DDOST: variants seen among roughly 807,000 people sequenced by gnomAD.
DDOST encodes the protein dolichyl-diphosphooligosaccharide--protein glycosyltransferase 48 kDa subunit.
A neutral mutation model predicts 47.6 loss-of-function variants in DDOST; 25 were observed. The observed-to-expected ratio is 0.53, with a 90% CI of 0.38 to 0.73. The LOEUF is 0.73. Ranked by LOEUF, DDOST falls within the 30% of genes least tolerant of loss-of-function variation. The probability of loss-of-function intolerance (pLI) is 0.00; values close to 1 mark genes in which losing one functional copy is unlikely to be tolerated. For synonymous variants in DDOST, 275 were observed against 236.0 expected (o/e 1.17, Z -1.51); for missense variants, 526 against 573.9 (o/e 0.92, Z 0.85).
intron 8 of DDOST, 125 bp downstream of exon 8, chr1:20,653,502 G>T: frequency 1.0e-6 from 1 of 1,000,424 alleles, no homozygotes. Context: ...TAGGTGTAGG[G>T]ATTAACTTAT....
At chr1:20,654,547 C>G (rs1012480015) in intron 6 of DDOST, 67 bp downstream of exon 6, 1 of 1,449,378 alleles carries the variant, frequency 6.9e-7, no homozygotes, top group East Asian at 2.5e-5. Context: ...TCATTTCCTT[C>G]GCCTCAGCCA....
chr1:20,653,996 G>T (rs940268265), intron 7 of DDOST, among the ~76,000 whole-genome samples: 1 of 152,322 alleles, frequency 6.6e-6, no homozygotes, highest in Admixed American at 6.5e-5. Context: ...TTTCTAAAAG[G>T]AACGGTGGAG....
At position 20,652,927 on chromosome 1, in the gene DDOST, G is replaced by T. The variant is rs752142561; in HGVS notation, c.987C>A (p.Val329=). 1 of 1,614,132 alleles carries T rather than the reference G, an allele frequency of 6.2e-7. No homozygotes were observed. Among genetic ancestry groups the T allele is most frequent in the Non-Finnish European group, 8.5e-7 (1 of 1,179,996 alleles). Reference sequence around the variant, plus strand: ...GCTGAATGTCATCGCCATCAAAGGGGACCCATTTGCCATTTGAGAGCTGCT... The same window carrying T: ...GCTGAATGTCATCGCCATCAAAGGGTACCCATTTGCCATTTGAGAGCTGCT... ...VIQQLSNGKW[V]PFDGDDIQLE... is the part of the protein sequence containing the mutation. Residue 329 remains valine (V), a synonymous_variant, in exon 9 of 11, where the codon GTC becomes GTA. Transcript: ENST00000602624.
At chr1:20,661,111 G>C in intron 1 of DDOST, 86 bp downstream of exon 1, 1 of 1,521,104 alleles carries the variant, frequency 6.6e-7, no homozygotes, top group South Asian at 1.2e-5. Context: ...CTCCAGGAAA[G>C]GGAGAGGGAA....
rs150551993 is a variant in DDOST, at chr1:20,654,305, C to T, written c.712G>A (p.Val238Ile). Residue 238 changes from valine (V) to isoleucine (I), a missense_variant, in exon 7 of 11, where the codon GTC becomes ATC. Transcript: ENST00000602624. ...AGLQARNNAR[V>I]IFSGSLDFFS... ...AAGTCGAGGGAGCCGCTGAAGATGA[C>T]GCGGGCATTGTTCCTGGCCTGGAGC... 118 of 1,554,328 alleles carry T rather than the reference C, an allele frequency of 7.6e-5. No homozygotes were observed. In the African/African-American group the frequency reaches 1.3e-3, roughly 18 times the overall value.
In DDOST at chr1:20,652,230, C is replaced by T. The variant is rs892861868; in HGVS notation, c.*149G>A. ...TTTTATATAAAAATTATCCCAACTC[C>T]CACCCCTTGGCTCTCAGTGTTGCAT... On this transcript the variant is annotated 3_prime_UTR_variant, in exon 11 of 11. Coordinates refer to ENST00000602624, the MANE Select transcript of DDOST (RefSeq NM_005216.5). 9.7e-6 allele frequency: 7 copies of T among 724,108 alleles called. No homozygotes were observed. The Admixed American group carries it at 1.4e-4, about 15-fold the overall frequency. 44.9% of individuals were successfully genotyped at this position (724,108 alleles called of 1,614,324 possible). A position where few individuals can be genotyped will look rare whatever the true frequency, so the allele number is the denominator to read the frequency against.
chr1:20,654,366 T>A lies in DDOST; in HGVS notation c.651A>T (p.Pro217=). The A allele has an allele frequency of 6.4e-7, 1 of 1,559,422 alleles. No individual in the cohort carries two copies. Among genetic ancestry groups the A allele is most frequent in the East Asian group, 2.4e-5 (1 of 41,774 alleles). The part of the protein sequence containing the change: ...FFPDKPITQY[P]HAVGKNTLLI... ...GGAGGGTGTTCTTCCCCACCGCATG[T>A]GGATACTGGGAACAAAACGAGGCTG... The change falls in exon 7 of 11, where the codon CCA becomes CCT. Residue 217 remains proline, a synonymous_variant. Transcript: ENST00000602624.
chr1:20,660,669 A>T, intron 2 of DDOST: 1 of 480,216 alleles, frequency 2.1e-6, no homozygotes, highest in Non-Finnish European at 3.7e-6. Context: ...CTGCAGCAAC[A>T]CTTGACTCCA....
chr1:20,658,198 T>TC (rs776937953), intron 2 of DDOST, among the ~76,000 whole-genome samples: 21 of 152,352 alleles, frequency 1.4e-4, no homozygotes, highest in Non-Finnish European at 2.5e-4. Flanking sequence ...ATCCGGTTTT[T>TC]CCCGGGTATA....
intron 6 of DDOST, 65 bp from the exon 7 acceptor site, chr1:20,654,436 G>T: frequency 1.3e-6 from 2 of 1,518,976 alleles, no homozygotes; most frequent in Non-Finnish European, 1.8e-6. Context: ...CACGCCTCCC[G>T]AACAAGAGGA....
chr1:20,661,265 C>A lies in DDOST; in HGVS notation c.86G>T (p.Arg29Leu). Reference protein sequence around the residue: ...LLGAVCASGPRTLVLLDNLNV... With the variant: ...LLGAVCASGPLTLVLLDNLNV... Reference sequence around the variant, plus strand: ...GAGGTTGTCCAGCAGCACTAAGGTGCGGGGTCCGCTGGCGCAAACCGCGCC... The same window carrying A: ...GAGGTTGTCCAGCAGCACTAAGGTGAGGGGTCCGCTGGCGCAAACCGCGCC... The change falls in exon 1 of 11, where the codon CGC becomes CTC. Residue 29 changes from arginine (R) to leucine (L), a missense_variant. Arg to Leu is a moderately radical substitution (Grantham distance 102, BLOSUM62 -2). Transcript: ENST00000602624. The A allele has an allele frequency of 6.2e-7, 1 of 1,614,012 alleles. No homozygotes were observed.
intron 8 of DDOST, 41 bp downstream of exon 8, chr1:20,653,586 T>C (rs749291113): frequency 1.3e-6 from 2 of 1,535,414 alleles, no homozygotes; most frequent in East Asian, 2.3e-5. Context: ...TCAGTCAGCT[T>C]GGCAAACCCT....
Position 20,653,657 on chromosome 1 carries a change from T to G in DDOST, c.912A>C (p.Pro304=), listed in dbSNP as rs200050311. The G allele has an allele frequency of 6.2e-7, 1 of 1,611,830 alleles. No individual in the cohort carries two copies. The highest frequency in any genetic ancestry group is 8.5e-7 in the Non-Finnish European group (1 of 1,178,592). Residue 304 remains proline, a synonymous_variant, in exon 8 of 11, where the codon CCA becomes CCC. Transcript: ENST00000602624. ...VSHHRVGETA[P]PNAYTVTDLV... ...GGTCAGTGACAGTGTAGGCATTGGG[T>G]GGGGCTGTCTCGCCCACCCGATGAT...
At chr1:20,656,272 G>T in intron 2 of DDOST, 85 bp from the exon 3 acceptor site, 1 of 1,025,858 alleles carries the variant, frequency 9.7e-7, no homozygotes, top group Non-Finnish European at 1.5e-6. Context: ...ATGAAGGGCA[G>T]AGCAGCCACG....
Position 20,655,699 on chromosome 1 carries a change from A to C in DDOST, c.433T>G (p.Tyr145Asp). The change falls in exon 4 of 11, where the codon TAT (tyrosine) becomes GAT (aspartate). Residue 145 changes from tyrosine (Y) to aspartate (D), a missense_variant. Coordinates refer to ENST00000602624, the MANE Select transcript of DDOST (RefSeq NM_005216.5). Reference protein sequence around the residue: ...EKTAVIDHHNYDISDLGQHTL... With the variant: ...EKTAVIDHHNDDISDLGQHTL... ...ACCTGGCCAAGGTCTGAGATGTCATAGTTGTGATGGTCAATGACAGCCGTT... is the reference window on the plus strand; with the variant it reads ...ACCTGGCCAAGGTCTGAGATGTCATCGTTGTGATGGTCAATGACAGCCGTT... The C allele has an allele frequency of 6.2e-7, 1 of 1,613,896 alleles. No homozygotes were observed. Among genetic ancestry groups the C allele is most frequent in the South Asian group, 1.1e-5 (1 of 91,086 alleles).
chr1:20,661,294 C>G lies in DDOST; in HGVS notation c.57G>C (p.Leu19Phe). ...AWALFWLLLP[L>F]LGAVCASGPR... Reference sequence around the variant, plus strand: ...GTCCGCTGGCGCAAACCGCGCCAAGCAAGGGCAGCAGCAACCAAAAGAGGG... The same window carrying G: ...GTCCGCTGGCGCAAACCGCGCCAAGGAAGGGCAGCAGCAACCAAAAGAGGG... Residue 19 changes from leucine to phenylalanine, a missense_variant, in exon 1 of 11, where the codon TTG (leucine) becomes TTC (phenylalanine). Physicochemically the swap from Leu to Phe is conservative, Grantham distance 22. Transcript: ENST00000602624. 6.2e-7 allele frequency: 1 copy of G among 1,613,880 alleles called. No individual in the cohort carries two copies. Among genetic ancestry groups the G allele is most frequent in the African/African-American group, 1.3e-5 (1 of 75,074 alleles).
Position 20,652,951 on chromosome 1 carries a change from C to A in DDOST, c.963G>T (p.Gln321His). The change falls in exon 9 of 11, where the codon CAG (glutamine) becomes CAT (histidine). Residue 321 changes from glutamine to histidine, a missense_variant. Gln to His is a conservative substitution (Grantham distance 24). Coordinates refer to ENST00000602624, the MANE Select transcript of DDOST (RefSeq NM_005216.5). ...GGACCCATTTGCCATTTGAGAGCTG[C>A]TGGATCACGATGCTATACTCCTGAG... is the stretch of plus-strand genomic sequence containing the variant. The part of the protein sequence containing the change: ...TDLVEYSIVI[Q>H]QLSNGKWVPF... 2 of 1,614,248 alleles carry A rather than the reference C, an allele frequency of 1.2e-6. No individual in the cohort carries two copies. Among genetic ancestry groups the A allele is most frequent in the African/African-American group, 1.3e-5 (1 of 75,064 alleles).
rs777635772 is a variant in DDOST at position 20,655,459 on chromosome 1, T to C, written c.532A>G (p.Ile178Val). 2.4e-5 allele frequency: 38 copies of C among 1,613,444 alleles called. No homozygotes were observed. The African/African-American group carries it at 4.5e-4, about 19-fold the overall frequency. ...ACTCACCCAACACCTCGAAAGAGGA[T>C]GGGATTTAGAGATGATTTCCCAACG... Reference protein sequence around the residue: ...TIVGKSSLNPILFRGVGMVAD... With the variant: ...TIVGKSSLNPVLFRGVGMVAD... The change falls in exon 5 of 11, where the codon ATC becomes GTC. Residue 178 changes from isoleucine (I) to valine (V), a missense_variant. Transcript: ENST00000602624.
In DDOST at chr1:20,652,846, C is replaced by T. The variant is rs370326677; in HGVS notation, c.1063+5G>A. 10 of 1,614,086 alleles carry T rather than the reference C, an allele frequency of 6.2e-6. No homozygotes were observed. Among genetic ancestry groups the T allele is most frequent in the Non-Finnish European group, 8.5e-6 (10 of 1,180,040 alleles). ...GCAGCATCCTCGTGCAGGAACTACA[C>T]TCACCTTTCTTCTTCAGGAAGGTCC... On this transcript the variant is annotated splice_donor_5th_base_variant and intron_variant, in intron 9 of 10. Transcript: ENST00000602624.
Sources: gnomAD v4.1 joint callset for allele counts (sites outside exome capture counted in the v4.1 genomes callset) on GRCh38, gnomAD v4.1.1 for gene constraint, MANE v1.5 for transcripts, NCBI Gene and HGNC (gene_info 2026-07-23, HGNC 2026-07-21) for gene names.